The following REPS2 variants were observed in gnomAD, a reference collection of about 807,000 sequenced individuals.
The protein encoded by REPS2 is RALBP1 associated Eps domain containing 2, also known as ralBP1-associated Eps domain-containing protein 2.
In REPS2, 23 loss-of-function variants were observed where a neutral mutation model predicts 53.6. The ratio of observed to expected loss-of-function variants is 0.43; its 90% CI spans 0.31 to 0.61. The LOEUF (loss-of-function observed/expected upper bound fraction) is 0.61, where lower values mean the gene tolerates loss of function less well. REPS2 is among the 20% of genes least tolerant of loss of function. The pLI is 0.11. For missense variants in REPS2, 446 were observed against 534.9 expected (o/e 0.83, Z 1.64); for synonymous variants, 238 against 218.6 (o/e 1.09, Z -0.78).
At chrX:16,971,426 C>A (rs551776060) in intron 1 of REPS2, among the ~76,000 whole-genome samples, 4 of 112,045 alleles carry the variant, frequency 3.6e-5, no homozygotes, top group African/African-American at 1.3e-4. Flanking sequence ...ATATTTTAGT[C>A]ATCTATCAGA....
chrX:16,977,880 C>T (rs899219591), intron 1 of REPS2, among the ~76,000 whole-genome samples: 1 of 111,207 alleles, frequency 9.0e-6, no homozygotes, highest in African/African-American at 3.3e-5. Flanking sequence ...TTCATTTCTG[C>T]TCCAGATGGC....
At chrX:17,019,260 C>T (rs2061539411) in intron 2 of REPS2, among the ~76,000 whole-genome samples, 2 of 112,341 alleles carry the variant, frequency 1.8e-5, no homozygotes, top group South Asian at 7.3e-4. Flanking sequence ...CAAAGCATTT[C>T]TGTGTTCAAA....
Position 16,953,859 on chromosome X carries a change from A to G in REPS2, c.273+6725A>G, listed in dbSNP as rs762826863. Among the ~76,000 whole-genome samples the G allele has an allele frequency of 4.5e-5, 5 of 112,186 alleles. No homozygotes were observed. The East Asian group carries it at 8.3e-4, about 19-fold the overall frequency. On this transcript the variant is annotated intron_variant, in intron 1 of 17. Transcript: ENST00000357277. Reference sequence around the variant, plus strand: ...TTCGAAACGTGTATGAAAATTAAGAACACCTTCATAGATAGCAGAATGCAC... The same window carrying G: ...TTCGAAACGTGTATGAAAATTAAGAGCACCTTCATAGATAGCAGAATGCAC...
At chrX:17,020,985 T>C (rs1413646694) in intron 2 of REPS2, among the ~76,000 whole-genome samples, 2 of 111,952 alleles carry the variant, frequency 1.8e-5, no homozygotes, top group African/African-American at 3.2e-5. Flanking sequence ...GTAAACATCA[T>C]GTGGATGTTA....
Position 16,946,875 on chromosome X carries a change from C to T in REPS2, c.14C>T (p.Ala5Val), listed in dbSNP as rs2060437289. 1.1e-5 allele frequency: 8 copies of T among 740,136 alleles called. No homozygotes were observed. Among genetic ancestry groups the T allele is most frequent in the East Asian group, 1.5e-4 (1 of 6,533 alleles). The allele number at this position is 740,136 out of a possible 1,213,427, so 61.0% of individuals were successfully genotyped here. Residue 5 changes from alanine (A) to valine (V), a missense_variant, in exon 1 of 18, where the codon GCG becomes GTG. By Grantham distance (64) the Ala-to-Val change is moderately conservative (BLOSUM62 0). Coordinates refer to ENST00000357277, the MANE Select transcript of REPS2 (RefSeq NM_004726.3). MEAA[A>V]AAAAAAAAAA... ...CTTGCTGGCCCCATGGAGGCGGCAG[C>T]GGCGGCGGCGGCGGCGGCAGCGGCA...
At chrX:17,146,078 C>T (rs774510760) in intron 17 of REPS2, among the ~76,000 whole-genome samples, 1 of 104,689 alleles carries the variant, frequency 9.6e-6, no homozygotes, top group Admixed American at 1.0e-4. Flanking sequence ...CATTGCACTC[C>T]AGCCTGGGCG....
intron 14 of REPS2, among the ~76,000 whole-genome samples, chrX:17,108,176 C>CT (rs112858596): frequency 0.026 from 2,562 of 99,961 alleles, 82 homozygotes; most frequent in African/African-American, 0.085. Flanking sequence ...TGTGTTTATT[C>CT]TTTTTTTTTT....
chrX:17,052,443 A>G lies in REPS2; in HGVS notation c.969A>G (p.Ile323Met). The change falls in exon 7 of 18, where the codon ATA (isoleucine) becomes ATG (methionine). Residue 323 changes from isoleucine to methionine, a missense_variant and splice_region_variant. Physicochemically the swap from Ile to Met is conservative, Grantham distance 10 (BLOSUM62 1). Transcript: ENST00000357277. ...TTTCCATTCCAGAACTCTCCTATAT[A>G]TGGTAAGTACAATTAATGCCATATG... Reference protein sequence around the residue: ...SKLSIPELSYIWELSDADCDG... With the variant: ...SKLSIPELSYMWELSDADCDG... The G allele has an allele frequency of 8.4e-7, 1 of 1,189,198 alleles. No homozygotes were observed. The highest frequency in any genetic ancestry group is 1.1e-6 in the Non-Finnish European group (1 of 878,405).
At chrX:17,077,150 C>A in intron 12 of REPS2, 121 bp from the exon 13 acceptor site, 1 of 736,332 alleles carries the variant, frequency 1.4e-6, no homozygotes, top group Non-Finnish European at 1.9e-6. Flanking sequence ...TTTATGGCTG[C>A]TTTGGTAGCT....
At chrX:16,985,798 G>A (rs776064680) in intron 1 of REPS2, among the ~76,000 whole-genome samples, 3 of 111,705 alleles carry the variant, frequency 2.7e-5, no homozygotes, top group Non-Finnish European at 5.6e-5. Flanking sequence ...ACACAGCTGT[G>A]TACGGGGGTT....
At chrX:17,103,238 C>T (rs2062830714) in intron 13 of REPS2, among the ~76,000 whole-genome samples, 1 of 111,750 alleles carries the variant, frequency 8.9e-6, no homozygotes, top group African/African-American at 3.3e-5. Flanking sequence ...CAGATCCATT[C>T]CCAGGAGCAT....
rs149100048 is a variant in REPS2 at position 17,114,443 on chromosome X, A to G, written c.1578+10664A>G. On this transcript the variant is annotated intron_variant, in intron 14 of 17. Transcript: ENST00000357277. ...GTTCAGTCCTAAATGTCAAGTGCCT[A>G]CTGTTAAATACTTGGAGAAGACTGC... Among the ~76,000 whole-genome samples, 267 of 112,080 alleles carry G rather than the reference A, an allele frequency of 2.4e-3. 12 individuals are homozygous for G. In the East Asian group the frequency reaches 0.039, roughly 17 times the overall value.
intron 1 of REPS2, among the ~76,000 whole-genome samples, chrX:16,986,649 C>T (rs2061094231): frequency 9.0e-6 from 1 of 111,458 alleles, no homozygotes; most frequent in South Asian, 3.8e-4. Flanking sequence ...GTGACCTGCT[C>T]ACTGGGTCAT....
chrX:17,071,363 CTT>C (rs5901605), intron 11 of REPS2, among the ~76,000 whole-genome samples: 4,853 of 96,154 alleles, frequency 0.05, 243 homozygotes, highest in African/African-American at 0.16. Flanking sequence ...ACTTTTCCTA[CTT>C]TTTTTTTTTT....
At chrX:17,007,616 G>A (rs1356177550) in intron 2 of REPS2, among the ~76,000 whole-genome samples, 1 of 111,903 alleles carries the variant, frequency 8.9e-6, no homozygotes, top group Admixed American at 9.5e-5. Context: ...CACCCTAGCG[G>A]TTAAATGCTT....
intron 6 of REPS2, among the ~76,000 whole-genome samples, chrX:17,051,088 C>A (rs932427219): frequency 9.0e-6 from 1 of 111,414 alleles, no homozygotes; most frequent in Non-Finnish European, 1.9e-5. Context: ...ATTTTTAGAT[C>A]CCACAAATGA....
At chrX:17,191,745 C>T in the REPS2 span, among the ~76,000 whole-genome samples, 1 of 112,398 alleles carries the variant, frequency 8.9e-6, no homozygotes, top group African/African-American at 3.2e-5. Flanking sequence ...TCTTAAAGGC[C>T]TTCTACTAAC....
the REPS2 span, among the ~76,000 whole-genome samples, chrX:17,194,503 C>A: frequency 1.8e-5 from 2 of 111,753 alleles, no homozygotes; most frequent in African/African-American, 6.5e-5. Flanking sequence ...TGTATGATTC[C>A]ATTTATATAA....
At chrX:17,121,241 C>T (rs1444636320) in intron 14 of REPS2, among the ~76,000 whole-genome samples, 2 of 111,828 alleles carry the variant, frequency 1.8e-5, no homozygotes, top group South Asian at 7.5e-4. Flanking sequence ...AATTTTTCTC[C>T]CCAACTTCCT....
Sources: allele counts gnomAD v4.1 joint callset (sites outside exome capture counted in the v4.1 genomes callset), GRCh38; gene constraint gnomAD v4.1.1; transcripts MANE v1.5; gene names NCBI Gene and HGNC (gene_info 2026-07-23, HGNC 2026-07-21).